The following SGCZ variants were observed in gnomAD, a reference collection of about 807,000 sequenced individuals.
The protein encoded by SGCZ is zeta-sarcoglycan.
A neutral mutation model predicts 41.3 loss-of-function variants in SGCZ; 40 were observed. The observed-to-expected ratio is 0.97, with a 90% CI of 0.75 to 1.26. The LOEUF is 1.26. Ranked by LOEUF, SGCZ falls within the 50% of genes most tolerant of loss-of-function variation. The pLI, the probability that SGCZ is intolerant of heterozygous loss-of-function variation, is 0.00. For missense variants in SGCZ, 552 were observed against 369.8 expected (o/e 1.49, Z -4.04); for synonymous variants, 206 against 137.5 (o/e 1.50, Z -3.49).
chr8:14,830,091 T>G (rs1236812540), intron 1 of SGCZ, among the ~76,000 whole-genome samples: 1 of 152,242 alleles, frequency 6.6e-6, no homozygotes, highest in Admixed American at 6.5e-5. Context: ...ATTACAGGCA[T>G]GAGCCACCGC....
At chr8:14,843,393 A>T (rs1269745110) in intron 1 of SGCZ, among the ~76,000 whole-genome samples, 2 of 152,156 alleles carry the variant, frequency 1.3e-5, no homozygotes, top group Non-Finnish European at 2.9e-5. Flanking sequence ...ACACAGGCCA[A>T]TTAGAATTTC....
chr8:14,138,611 T>G (rs1264517058), intron 5 of SGCZ, among the ~76,000 whole-genome samples: 1 of 151,094 alleles, frequency 6.6e-6, no homozygotes, highest in Admixed American at 6.6e-5. Context: ...TACATAATGG[T>G]AAAGGGATCA....
At chr8:14,695,148 T>C (rs1177585875) in intron 1 of SGCZ, among the ~76,000 whole-genome samples, 1 of 151,904 alleles carries the variant, frequency 6.6e-6, no homozygotes, top group African/African-American at 2.4e-5. Flanking sequence ...TTAGTTGCAA[T>C]GGGAGTTAAA....
At chr8:14,450,536 A>C (rs1800561766) in intron 2 of SGCZ, among the ~76,000 whole-genome samples, 1 of 152,162 alleles carries the variant, frequency 6.6e-6, no homozygotes, top group Non-Finnish European at 1.5e-5. Flanking sequence ...TAATAATTTT[A>C]AAGTAGCTAT....
At chr8:14,796,280 T>C (rs1354132377) in intron 1 of SGCZ, among the ~76,000 whole-genome samples, 2 of 152,168 alleles carry the variant, frequency 1.3e-5, no homozygotes, top group African/African-American at 4.8e-5. Flanking sequence ...AACTAATGCC[T>C]GCTGTTTTAC....
chr8:14,930,776 C>A (rs1269008079), intron 1 of SGCZ, among the ~76,000 whole-genome samples: 1 of 151,826 alleles, frequency 6.6e-6, no homozygotes, highest in East Asian at 1.9e-4. Context: ...CATAATTGAA[C>A]AATGAGAACA....
intron 1 of SGCZ, among the ~76,000 whole-genome samples, chr8:14,885,250 G>T (rs1299619290): frequency 1.3e-5 from 2 of 152,088 alleles, no homozygotes; most frequent in Non-Finnish European, 2.9e-5. Flanking sequence ...GTTTTACCTA[G>T]CATTGTATTC....
chr8:15,070,030 C>A (rs1585532327), intron 1 of SGCZ, among the ~76,000 whole-genome samples: 1 of 152,204 alleles, frequency 6.6e-6, no homozygotes, highest in South Asian at 2.1e-4. Flanking sequence ...TGTTAAGATT[C>A]CCTGCCTGAT....
chr8:14,773,894 A>G (rs769613609), intron 1 of SGCZ, among the ~76,000 whole-genome samples: 3 of 152,196 alleles, frequency 2.0e-5, no homozygotes, highest in African/African-American at 7.2e-5. Flanking sequence ...GATTTAATAT[A>G]ATGTTTTTAA....
intron 1 of SGCZ, among the ~76,000 whole-genome samples, chr8:14,860,571 A>G (rs1585325798): frequency 1.3e-5 from 2 of 151,606 alleles, no homozygotes; most frequent in East Asian, 1.9e-4. Flanking sequence ...GGAAAGAAAG[A>G]AAAGAAAAAG....
At position 14,369,617 on chromosome 8, in the gene SGCZ, CCT is replaced by C. The variant is rs559240454; in HGVS notation, c.235-45415_235-45414del. ...AAGTCGTTTGGGAATATGAAAATACCCTGTTTCTCAACAAACATTAACAAACA... is the reference window on the plus strand; with the variant it reads ...AAGTCGTTTGGGAATATGAAAATACCGTTTCTCAACAAACATTAACAAACA... On this transcript the variant is annotated intron_variant, in intron 2 of 7. Coordinates refer to ENST00000382080, the MANE Select transcript of SGCZ (RefSeq NM_139167.4). Among the ~76,000 whole-genome samples the C allele has an allele frequency of 2.0e-4, 30 of 151,866 alleles. 1 individual carries two copies. In the South Asian group the frequency reaches 6.3e-3, roughly 32 times the overall value.
intron 3 of SGCZ, among the ~76,000 whole-genome samples, chr8:14,270,994 C>T (rs1000971862): frequency 6.6e-5 from 10 of 152,070 alleles, no homozygotes; most frequent in African/African-American, 2.2e-4. Flanking sequence ...GGGAATTGAA[C>T]AGTGAGAACG....
At chr8:15,176,780 T>C (rs1020977809) in intron 1 of SGCZ, among the ~76,000 whole-genome samples, 27 of 152,166 alleles carry the variant, frequency 1.8e-4, no homozygotes, top group African/African-American at 5.5e-4. Flanking sequence ...GGTGGGCGGA[T>C]CACAAGGTCA....
intron 2 of SGCZ, among the ~76,000 whole-genome samples, chr8:14,459,882 TA>T (rs1800852931): frequency 6.6e-6 from 1 of 151,992 alleles, no homozygotes; most frequent in Non-Finnish European, 1.5e-5. Context: ...ACAAAATAAC[TA>T]AACAGTATTC....
chr8:15,225,964 TTAC>T (rs148823120), intron 1 of SGCZ, among the ~76,000 whole-genome samples: 3,591 of 152,292 alleles, frequency 0.024, 65 homozygotes, highest in Non-Finnish European at 0.036. Flanking sequence ...TGCCTTACTC[TTAC>T]TAGTCCACAT....
rs898339414 is a variant in SGCZ at position 14,089,010 on chromosome 8, A to G, written c.*1433T>C. Reference sequence around the variant, plus strand: ...ATTCAGGACTTACCTTATAGTAATTAAGTCATCTTCCCATAATAGGAAATA... The same window carrying G: ...ATTCAGGACTTACCTTATAGTAATTGAGTCATCTTCCCATAATAGGAAATA... On this transcript the variant is annotated 3_prime_UTR_variant, in exon 8 of 8. Coordinates refer to ENST00000382080, the MANE Select transcript of SGCZ (RefSeq NM_139167.4). Among the ~76,000 whole-genome samples the G allele has an allele frequency of 6.6e-6, 1 of 151,970 alleles. No individual in the cohort carries two copies. Among genetic ancestry groups the G allele is most frequent in the African/African-American group, 2.4e-5 (1 of 41,426 alleles).
At chr8:15,036,681 C>T (rs1478652611) in intron 1 of SGCZ, among the ~76,000 whole-genome samples, 1 of 152,074 alleles carries the variant, frequency 6.6e-6, no homozygotes, top group African/African-American at 2.4e-5. Flanking sequence ...ACCAATTATT[C>T]TCAAATTCTT....
At chr8:14,441,714 C>T (rs75596361) in intron 2 of SGCZ, among the ~76,000 whole-genome samples, 2,034 of 152,294 alleles carry the variant, frequency 0.013, 52 homozygotes, top group African/African-American at 0.047. Context: ...GCAGTTAATA[C>T]ATCAATGACT....
intron 2 of SGCZ, among the ~76,000 whole-genome samples, chr8:14,551,506 ATTATATATATTATATATAAT>A (rs1803830207): frequency 1.1e-4 from 1 of 9,064 alleles, no homozygotes; most frequent in Non-Finnish European, 1.7e-4. Context: ...TATTATATAT[ATTATATATATTATATATAAT>A]ATATATAATA....
Sources: allele counts gnomAD v4.1 joint callset (sites outside exome capture counted in the v4.1 genomes callset), GRCh38; gene constraint gnomAD v4.1.1; transcripts MANE v1.5; gene names NCBI Gene and HGNC (gene_info 2026-07-23, HGNC 2026-07-21).